The following TESC variants were observed in gnomAD, a reference collection of about 807,000 sequenced individuals.
TESC encodes the protein calcineurin B homologous protein 3.
A neutral mutation model predicts 31.0 loss-of-function variants in TESC; 19 were observed. That is an observed-to-expected ratio of 0.61 (90% CI 0.43 to 0.90). TESC has a LOEUF of 0.90. TESC is among the 40% of genes least tolerant of loss of function. The pLI, the probability that TESC is intolerant of heterozygous loss-of-function variation, is 0.00. For missense variants in TESC, 248 were observed against 303.8 expected (o/e 0.82, Z 1.36); for synonymous variants, 109 against 114.8 (o/e 0.95, Z 0.32).
chr12:117,045,298 C>T (rs1401612122), intron 6 of TESC, among the ~76,000 whole-genome samples: 1 of 152,232 alleles, frequency 6.6e-6, no homozygotes, highest in African/African-American at 2.4e-5. Flanking sequence ...CCTCTGCTTC[C>T]CAGGCTGCGG....
intron 7 of TESC, among the ~76,000 whole-genome samples, chr12:117,039,537 A>C (rs1017970354): frequency 6.8e-6 from 1 of 146,678 alleles, no homozygotes; most frequent in Non-Finnish European, 1.5e-5. Flanking sequence ...TGTGATTTTC[A>C]TGCAAATTAC....
intron 2 of TESC, among the ~76,000 whole-genome samples, chr12:117,062,625 C>T (rs919078939): frequency 6.6e-6 from 1 of 152,058 alleles, no homozygotes; most frequent in Admixed American, 6.5e-5. Context: ...GTGGTTGGTG[C>T]CTGGCCTTCA....
intron 4 of TESC, among the ~76,000 whole-genome samples, chr12:117,047,946 C>T (rs4766826): frequency 0.95 from 144,212 of 152,104 alleles, 68,453 homozygotes; most frequent in East Asian, 1. Context: ...TCTTTCTCTG[C>T]TGCCCAGGCT....
chr12:117,066,018 C>T (rs1472523), intron 2 of TESC, among the ~76,000 whole-genome samples: 66,482 of 151,620 alleles, frequency 0.44, 16,614 homozygotes, highest in African/African-American at 0.69. Context: ...CAATTCTCCT[C>T]ATGTGCTGGG....
chr12:117,081,275 C>T (rs1462845908), intron 1 of TESC, among the ~76,000 whole-genome samples: 2 of 152,136 alleles, frequency 1.3e-5, no homozygotes, highest in Non-Finnish European at 1.5e-5. Flanking sequence ...CAGACAACTG[C>T]AATAACTTTT....
intron 1 of TESC, among the ~76,000 whole-genome samples, chr12:117,079,321 G>A (rs752641692): frequency 2.0e-5 from 3 of 152,102 alleles, no homozygotes; most frequent in South Asian, 4.2e-4. Flanking sequence ...CAGCACTTTG[G>A]GGGGCTGAGG....
At chr12:117,092,103 C>T (rs569917029) in intron 1 of TESC, among the ~76,000 whole-genome samples, 1 of 152,308 alleles carries the variant, frequency 6.6e-6, no homozygotes, top group South Asian at 2.1e-4. Flanking sequence ...CAGCAATAGT[C>T]CCACCCTCAA....
At chr12:117,094,993 G>A (rs1452280286) in intron 1 of TESC, among the ~76,000 whole-genome samples, 17 of 139,476 alleles carry the variant, frequency 1.2e-4, no homozygotes, top group Admixed American at 2.9e-4. Context: ...TCCAGCTTGG[G>A]CAACAAGAGT....
At chr12:117,069,098 C>CT (rs368619527) in intron 2 of TESC, among the ~76,000 whole-genome samples, 33,182 of 147,604 alleles carry the variant, frequency 0.22, 4,775 homozygotes, top group African/African-American at 0.42. Context: ...ATAGAAATTC[C>CT]TTTTTTTTTT....
At chr12:117,065,610 C>T (rs188829873) in intron 2 of TESC, among the ~76,000 whole-genome samples, 4 of 152,052 alleles carry the variant, frequency 2.6e-5, no homozygotes, top group East Asian at 1.9e-4. Context: ...AGGAGCTGGC[C>T]GGGCACAGTG....
At chr12:117,073,676 C>T (rs1033172611) in intron 2 of TESC, among the ~76,000 whole-genome samples, 6 of 152,152 alleles carry the variant, frequency 3.9e-5, no homozygotes, top group African/African-American at 1.4e-4. Context: ...ACTCTGAATG[C>T]TTATTTTAGG....
At chr12:117,084,855 C>T (rs1185025512) in intron 1 of TESC, among the ~76,000 whole-genome samples, 2 of 152,260 alleles carry the variant, frequency 1.3e-5, no homozygotes, top group Non-Finnish European at 2.9e-5. Context: ...ACAACCCCTG[C>T]TGGCCCCCAG....
chr12:117,086,946 T>C (rs1955226438), intron 1 of TESC, among the ~76,000 whole-genome samples: 1 of 152,188 alleles, frequency 6.6e-6, no homozygotes, highest in Non-Finnish European at 1.5e-5. Context: ...GCAACTTGCA[T>C]GCCTCCTGCG....
intron 1 of TESC, among the ~76,000 whole-genome samples, chr12:117,097,979 A>G (rs1318919812): frequency 6.6e-6 from 1 of 152,176 alleles, no homozygotes; most frequent in Non-Finnish European, 1.5e-5. Context: ...CTATATCTCT[A>G]CACACACAGA....
chr12:117,057,271 T>A (rs550363291), intron 2 of TESC, among the ~76,000 whole-genome samples: 43 of 152,284 alleles, frequency 2.8e-4, no homozygotes, highest in African/African-American at 8.4e-4. Flanking sequence ...GCTAATTTTT[T>A]AAATTTTTTG....
intron 2 of TESC, among the ~76,000 whole-genome samples, chr12:117,067,540 C>G (rs1228750940): frequency 3.9e-5 from 6 of 152,254 alleles, no homozygotes; most frequent in Non-Finnish European, 8.8e-5. Context: ...CCACTGCACC[C>G]CAGTCTGGAC....
intron 1 of TESC, among the ~76,000 whole-genome samples, chr12:117,082,205 C>T (rs1057071959): frequency 6.6e-6 from 1 of 151,790 alleles, no homozygotes; most frequent in Non-Finnish European, 1.5e-5. Context: ...TGTCTCAAAA[C>T]AAAAAGAAAA....
chr12:117,063,502 C>T (rs1014981230), intron 2 of TESC, among the ~76,000 whole-genome samples: 3 of 152,106 alleles, frequency 2.0e-5, no homozygotes, highest in East Asian at 1.9e-4. Flanking sequence ...CGGTGGCTTT[C>T]GGAGCCCAGC....
At chr12:117,056,336 C>A (rs534812600) in intron 3 of TESC, among the ~76,000 whole-genome samples, 1 of 140,174 alleles carries the variant, frequency 7.1e-6, no homozygotes, top group South Asian at 2.7e-4. Context: ...GGATTACAGG[C>A]GTGAGCCACT....
Sources: allele counts gnomAD v4.1 joint callset (sites outside exome capture counted in the v4.1 genomes callset), GRCh38; gene constraint gnomAD v4.1.1; transcripts MANE v1.5; gene names NCBI Gene and HGNC (gene_info 2026-07-23, HGNC 2026-07-21).